XPR1: variants seen among roughly 807,000 people sequenced by gnomAD.
XPR1 encodes solute carrier family 53 member 1.
A neutral mutation model predicts 87.5 loss-of-function variants in XPR1; 28 were observed. The observed-to-expected ratio is 0.32, with a 90% CI of 0.24 to 0.44. The LOEUF (loss-of-function observed/expected upper bound fraction) is 0.44, where lower values mean the gene tolerates loss of function less well. XPR1 is among the 20% of genes least tolerant of loss of function. The probability of loss-of-function intolerance (pLI) is 1.00; values close to 1 mark genes in which losing one functional copy is unlikely to be tolerated. For synonymous variants in XPR1, 300 were observed against 306.1 expected (o/e 0.98, Z 0.21); for missense variants, 559 against 862.3 (o/e 0.65, Z 4.41).
chr1:180,681,529 C>G (rs1415734788), intron 1 of XPR1, among the ~76,000 whole-genome samples: 2 of 152,090 alleles, frequency 1.3e-5, no homozygotes, highest in Non-Finnish European at 2.9e-5. Context: ...GCCTGTAGTC[C>G]CAGCTACTTG....
chr1:180,688,372 A>G (rs1656862342), intron 2 of XPR1, among the ~76,000 whole-genome samples: 1 of 151,970 alleles, frequency 6.6e-6, no homozygotes, highest in Non-Finnish European at 1.5e-5. Context: ...TACAGGTGTG[A>G]GCCACTGCGC....
chr1:180,826,987 C>T (rs1650870693), intron 9 of XPR1, among the ~76,000 whole-genome samples: 1 of 151,740 alleles, frequency 6.6e-6, no homozygotes, highest in Admixed American at 6.6e-5. Context: ...AACCCCATCT[C>T]TACCAAAAAT....
At chr1:180,674,623 G>T (rs1273926088) in intron 1 of XPR1, among the ~76,000 whole-genome samples, 1 of 151,790 alleles carries the variant, frequency 6.6e-6, no homozygotes, top group Non-Finnish European at 1.5e-5. Flanking sequence ...TGAACTCCCA[G>T]TCTCAGGTGG....
chr1:180,728,551 T>A (rs535186150), intron 2 of XPR1, among the ~76,000 whole-genome samples: 2 of 152,352 alleles, frequency 1.3e-5, no homozygotes, highest in African/African-American at 4.8e-5. Context: ...CTCAGGTGGT[T>A]CCTAAGATTC....
At chr1:180,831,556 C>T (rs1323329863) in intron 9 of XPR1, among the ~76,000 whole-genome samples, 3 of 145,880 alleles carry the variant, frequency 2.1e-5, no homozygotes, top group African/African-American at 7.6e-5. Context: ...TGCCCCCCAC[C>T]CCCCAACATG....
chr1:180,812,940 C>T (rs984224223), intron 7 of XPR1, among the ~76,000 whole-genome samples: 36 of 151,968 alleles, frequency 2.4e-4, no homozygotes, highest in African/African-American at 7.5e-4. Context: ...TGAGCCACCG[C>T]GCCCGGCCAG....
At chr1:180,705,649 T>G (rs529976862) in intron 2 of XPR1, among the ~76,000 whole-genome samples, 1 of 152,366 alleles carries the variant, frequency 6.6e-6, no homozygotes, top group Non-Finnish European at 1.5e-5. Context: ...TTCACGTTCC[T>G]GTTTTTTCTG....
At chr1:180,725,159 G>T (rs1658295696) in intron 2 of XPR1, among the ~76,000 whole-genome samples, 2 of 152,132 alleles carry the variant, frequency 1.3e-5, no homozygotes, top group East Asian at 3.8e-4. Context: ...AATCTGTGAG[G>T]CATCTGGAGA....
chr1:180,647,608 C>G (rs1363815954), intron 1 of XPR1, among the ~76,000 whole-genome samples: 1 of 152,078 alleles, frequency 6.6e-6, no homozygotes, highest in Non-Finnish European at 1.5e-5. Flanking sequence ...TAGAATATAG[C>G]ACTAGCCAGG....
At chr1:180,653,278 A>T (rs1414561543) in intron 1 of XPR1, among the ~76,000 whole-genome samples, 1 of 152,138 alleles carries the variant, frequency 6.6e-6, no homozygotes, top group African/African-American at 2.4e-5. Context: ...TAGAGGTAAA[A>T]ATCATTGGGA....
At chr1:180,825,448 G>A in intron 9 of XPR1, 104 bp downstream of exon 9, 1 of 1,228,430 alleles carries the variant, frequency 8.1e-7, no homozygotes, top group Non-Finnish European at 1.1e-6. Context: ...CAGAGGCCGT[G>A]GTTCACATTA....
At position 180,887,248 on chromosome 1, in the gene XPR1, T is replaced by A. The variant is rs1653044431; in HGVS notation, c.*3182T>A. The A allele has an allele frequency of 6.6e-6, 1 of 152,192 alleles. No homozygotes were observed. Among genetic ancestry groups the A allele is most frequent in the African/African-American group, 2.4e-5 (1 of 41,460 alleles). The allele number at this position is 152,192 out of a possible 1,614,324, so 9.4% of individuals were successfully genotyped here. On this transcript the variant is annotated 3_prime_UTR_variant, in exon 15 of 15. Transcript: ENST00000367590. The stretch of plus-strand genomic sequence containing the variant: ...CAACCTAACCAAATACAAACTTCAT[T>A]TGATTTTAGGTTTAGAAATTCTAGT...
At chr1:180,808,870 A>G (rs1294387533) in intron 6 of XPR1, among the ~76,000 whole-genome samples, 1 of 152,144 alleles carries the variant, frequency 6.6e-6, no homozygotes, top group Non-Finnish European at 1.5e-5. Flanking sequence ...ACATTTGAAA[A>G]CAGTTTGGAA....
At chr1:180,774,841 A>G (rs970881829) in intron 2 of XPR1, among the ~76,000 whole-genome samples, 3 of 152,174 alleles carry the variant, frequency 2.0e-5, no homozygotes, top group Non-Finnish European at 4.4e-5. Flanking sequence ...AAATAATAGA[A>G]ATTTATTTCT....
chr1:180,834,894 C>A lies in XPR1; in HGVS notation c.1155C>A (p.Pro385=). Residue 385 remains proline (P), a synonymous_variant, in exon 10 of 15, where the codon CCC becomes CCA. Coordinates refer to ENST00000367590, the MANE Select transcript of XPR1 (RefSeq NM_004736.4). ...TTCAGTTTCGAGTATTTACAGCCCCCTTCCATAAGGTAGGCTTTGCTGATT... is the reference window on the plus strand; with the variant it reads ...TTCAGTTTCGAGTATTTACAGCCCCATTCCATAAGGTAGGCTTTGCTGATT... ...LKLLFRVFTA[P]FHKVGFADFW... 1 of 1,612,208 alleles carries A rather than the reference C, an allele frequency of 6.2e-7. No homozygotes were observed. Among genetic ancestry groups the A allele is most frequent in the Non-Finnish European group, 8.5e-7 (1 of 1,179,368 alleles).
rs1357240875 is a variant in XPR1 at position 180,884,897 on chromosome 1, T to A, written c.*831T>A. On this transcript the variant is annotated 3_prime_UTR_variant, in exon 15 of 15. Transcript: ENST00000367590. ...AAAGTTTCATTGCTAACTTCTTAAG[T>A]TGCTGCTGCTTTAGAGTCCTGAGCA... 6.6e-6 allele frequency: 1 copy of A among 152,376 alleles called. No homozygotes were observed. The highest frequency in any genetic ancestry group is 6.5e-5 in the Admixed American group (1 of 15,284). The allele number at this position is 152,376 out of a possible 1,614,324, so 9.4% of individuals were successfully genotyped here. A position where few individuals can be genotyped will look rare whatever the true frequency, so the allele number is the denominator to read the frequency against.
At chr1:180,641,769 A>G (rs1384319925) in intron 1 of XPR1, among the ~76,000 whole-genome samples, 1 of 152,188 alleles carries the variant, frequency 6.6e-6, no homozygotes, top group Non-Finnish European at 1.5e-5. Flanking sequence ...ATAAATTGAG[A>G]GCAGAGATGC....
chr1:180,828,026 G>T (rs1650919788), intron 9 of XPR1, among the ~76,000 whole-genome samples: 1 of 151,882 alleles, frequency 6.6e-6, no homozygotes. Flanking sequence ...ACAGGTGTGT[G>T]CCAACGTGCC....
chr1:180,705,775 G>A (rs1413002941), intron 2 of XPR1, among the ~76,000 whole-genome samples: 1 of 152,118 alleles, frequency 6.6e-6, no homozygotes, highest in Non-Finnish European at 1.5e-5. Context: ...AAAAAGTTAG[G>A]TTAATAAATT....
Sources: gnomAD v4.1 joint callset for allele counts (sites outside exome capture counted in the v4.1 genomes callset) on GRCh38, gnomAD v4.1.1 for gene constraint, MANE v1.5 for transcripts, NCBI Gene and HGNC (gene_info 2026-07-23, HGNC 2026-07-21) for gene names.